SLC9C2: variants seen among roughly 807,000 people sequenced by gnomAD.
SLC9C2 encodes the protein sodium/hydrogen exchanger 11.
Under a neutral mutation model 140.2 loss-of-function variants are expected in SLC9C2, and 75 were observed. The ratio of observed to expected loss-of-function variants is 0.53; its 90% confidence interval spans 0.44 to 0.65. The LOEUF is 0.65. SLC9C2 is among the 30% of genes least tolerant of loss of function. The pLI, the probability that SLC9C2 is intolerant of heterozygous loss-of-function variation, is 0.00. For missense variants in SLC9C2, 1,074 were observed against 1,331.8 expected, an observed-to-expected ratio of 0.81 and a Z score of 3.01; for synonymous variants, 375 against 420.9, an observed-to-expected ratio of 0.89 and a Z score of 1.34.
Position 173,521,318 on chromosome 1 carries a change from T to C in SLC9C2, c.2722A>G (p.Ile908Val), listed in dbSNP as rs780625309. 5.9e-6 allele frequency: 9 copies of C among 1,522,682 alleles called. No homozygotes were observed. Among genetic ancestry groups the C allele is most frequent in the Non-Finnish European group, 7.9e-6 (9 of 1,142,250 alleles). 94.3% of individuals were successfully genotyped at this position (1,522,682 alleles called of 1,614,324 possible). A position where few individuals can be genotyped will look rare whatever the true frequency, so the allele number is the denominator to read the frequency against. The change falls in exon 22 of 28, where the codon ATT (isoleucine) becomes GTT (valine). Residue 908 changes from isoleucine to valine, a missense_variant. Physicochemically the swap from Ile to Val is conservative, Grantham distance 29. Coordinates refer to ENST00000367714, the MANE Select transcript of SLC9C2 (RefSeq NM_178527.4). Reference sequence around the variant, plus strand: ...TCCCTTACAATTGCCATTCCTGAAATAATTAAGTAGATTCCTTGTGGCATT... The same window carrying C: ...TCCCTTACAATTGCCATTCCTGAAACAATTAAGTAGATTCCTTGTGGCATT... ...GEMPQGIYLI[I>V]SGMAILHSLS... is the part of the protein sequence containing the mutation.
At position 173,529,996 on chromosome 1, in the gene SLC9C2, A is replaced by C. The variant is rs1661462189; in HGVS notation, c.2222T>G (p.Leu741Trp). The change falls in exon 18 of 28, where the codon TTG becomes TGG. Residue 741 changes from leucine (L) to tryptophan (W), a missense_variant. By Grantham distance (61) the Leu-to-Trp change is moderately conservative. Coordinates refer to ENST00000367714, the MANE Select transcript of SLC9C2 (RefSeq NM_178527.4). The stretch of plus-strand genomic sequence containing the variant: ...ATAGCCTTTTGTAATACTATACATC[A>C]AGCTGAGGCGCTTTTTGATCTGCAC... The part of the protein sequence containing the change: ...ADVQIKKRLS[L>W]MYSITKGYIK... 1.9e-6 allele frequency: 3 copies of C among 1,613,518 alleles called. No homozygotes were observed. Among genetic ancestry groups the C allele is most frequent in the Non-Finnish European group, 2.5e-6 (3 of 1,179,850 alleles).
chr1:173,522,929 C>T (rs2101953962), intron 21 of SLC9C2, among the ~76,000 whole-genome samples: 1 of 152,324 alleles, frequency 6.6e-6, no homozygotes, highest in Non-Finnish European at 1.5e-5. Flanking sequence ...TCAAATGTCA[C>T]CTTATTAGAG....
rs1292143724 is a variant in SLC9C2, at chr1:173,521,369, C to T, written c.2671G>A (p.Gly891Arg). 2 of 1,539,618 alleles carry T rather than the reference C, an allele frequency of 1.3e-6. No homozygotes were observed. Among genetic ancestry groups the T allele is most frequent in the Non-Finnish European group, 8.7e-7 (1 of 1,151,542 alleles). Residue 891 changes from glycine (G) to arginine (R), a missense_variant, in exon 22 of 28, where the codon GGA (glycine) becomes AGA (arginine). Physicochemically the swap from Gly to Arg is moderately radical, Grantham distance 125 (BLOSUM62 -2). Transcript: ENST00000367714. ...TCACCTCCTTTACAAATGGTATCTCCAGAGTCAAAACAGGCAAGTTTGGCT... is the reference window on the plus strand; with the variant it reads ...TCACCTCCTTTACAAATGGTATCTCTAGAGTCAAAACAGGCAAGTTTGGCT... ...ERAKLACFDSGDTICKGGEMP... is the reference protein window; with the variant it reads ...ERAKLACFDSRDTICKGGEMP...
chr1:173,599,175 G>C (rs1310953612), intron 3 of SLC9C2, among the ~76,000 whole-genome samples: 1 of 151,734 alleles, frequency 6.6e-6, no homozygotes, highest in African/African-American at 2.4e-5. Flanking sequence ...CTGGAGTGCA[G>C]TGGCGAGATC....
At chr1:173,531,716 C>T (rs1053012937) in intron 17 of SLC9C2, among the ~76,000 whole-genome samples, 31 of 152,240 alleles carry the variant, frequency 2.0e-4, no homozygotes, top group African/African-American at 5.5e-4. Context: ...TCTTTTACTG[C>T]GGCGCCGCCA....
At chr1:173,560,404 C>T (rs1558067188) in intron 9 of SLC9C2, among the ~76,000 whole-genome samples, 1 of 152,206 alleles carries the variant, frequency 6.6e-6, no homozygotes, top group Non-Finnish European at 1.5e-5. Context: ...GGGACCTGCC[C>T]TACTCAAAGT....
intron 13 of SLC9C2, among the ~76,000 whole-genome samples, chr1:173,543,585 C>T (rs1662603712): frequency 1.3e-5 from 2 of 152,264 alleles, no homozygotes; most frequent in Non-Finnish European, 2.9e-5. Flanking sequence ...GGAGGCATCA[C>T]ACTACCTGAC....
intron 17 of SLC9C2, among the ~76,000 whole-genome samples, chr1:173,531,226 A>T (rs1661558633): frequency 6.6e-6 from 1 of 152,218 alleles, no homozygotes; most frequent in African/African-American, 2.4e-5. Context: ...GTTCAATTAA[A>T]AACCATGGTA....
intron 9 of SLC9C2, among the ~76,000 whole-genome samples, chr1:173,570,388 G>A (rs1370404278): frequency 6.6e-6 from 1 of 152,084 alleles, no homozygotes; most frequent in Non-Finnish European, 1.5e-5. Flanking sequence ...ACTCTGCCCA[G>A]TGCCCTATTC....
chr1:173,562,171 A>C (rs1664163991), intron 9 of SLC9C2, among the ~76,000 whole-genome samples: 1 of 152,164 alleles, frequency 6.6e-6, no homozygotes, highest in Non-Finnish European at 1.5e-5. Flanking sequence ...CTATTGAAAA[A>C]CATTCAGAGC....
intron 24 of SLC9C2, among the ~76,000 whole-genome samples, chr1:173,507,508 G>GCGCACA (rs1553245482): frequency 1.6e-4 from 20 of 128,188 alleles, no homozygotes; most frequent in Middle Eastern, 0.01. Flanking sequence ...GTTGAATTGT[G>GCGCACA]CACACACACA....
chr1:173,518,493 A>G (rs1438007253), intron 22 of SLC9C2, among the ~76,000 whole-genome samples: 1 of 152,196 alleles, frequency 6.6e-6, no homozygotes, highest in Non-Finnish European at 1.5e-5. Context: ...AAAAATTACC[A>G]TGCAATATCA....
At chr1:173,530,139 C>A (rs1185016867) in intron 17 of SLC9C2, 85 bp from the exon 18 acceptor site, 7 of 1,251,736 alleles carry the variant, frequency 5.6e-6, no homozygotes, top group Non-Finnish European at 7.7e-6. Context: ...AAAGTGTCAT[C>A]TCCAGACCAG....
chr1:173,562,495 C>T (rs1324186379), intron 9 of SLC9C2, among the ~76,000 whole-genome samples: 6 of 152,094 alleles, frequency 3.9e-5, no homozygotes, highest in Non-Finnish European at 5.9e-5. Flanking sequence ...AAAATACACA[C>T]GTCAAGGGTA....
At chr1:173,540,623 T>C (rs1375398971) in intron 13 of SLC9C2, among the ~76,000 whole-genome samples, 1 of 152,190 alleles carries the variant, frequency 6.6e-6, no homozygotes, top group Non-Finnish European at 1.5e-5. Context: ...GGCTGTCACC[T>C]GAGGCAACTC....
intron 9 of SLC9C2, among the ~76,000 whole-genome samples, chr1:173,565,676 C>T (rs1481987252): frequency 2.6e-5 from 4 of 151,880 alleles, no homozygotes; most frequent in Non-Finnish European, 5.9e-5. Flanking sequence ...GCTCAGATTA[C>T]CTTTGGTTAT....
intron 11 of SLC9C2, among the ~76,000 whole-genome samples, chr1:173,550,440 A>ATTTTTTTTT (rs1304209360): frequency 8.1e-6 from 1 of 124,214 alleles, no homozygotes; most frequent in African/African-American, 3.7e-5. Flanking sequence ...TTATTTATTT[A>ATTTTTTTTT]TTTATTTATT....
At position 173,583,564 on chromosome 1, in the gene SLC9C2, G is replaced by A. The variant is rs16828416; in HGVS notation, c.582C>T (p.Ile194=). 19,974 of 1,610,116 alleles carry A rather than the reference G, an allele frequency of 0.012. 2,147 individuals carry two copies. In the African/African-American group the frequency reaches 0.23, roughly 19 times the overall value. Residue 194 remains isoleucine (I), a synonymous_variant, in exon 6 of 28, where the codon ATC becomes ATT. Transcript: ENST00000367714. ...GAAAATTTCCAAAAAAAATTGATGC[G>A]ATGCTACAAATGATCAATGATTCTC... is the stretch of plus-strand genomic sequence containing the variant. ...IRGESLIICS[I]ASIFFGNFRG...
intron 26 of SLC9C2, 87 bp from the exon 27 acceptor site, chr1:173,503,413 G>A (rs1571412310): frequency 8.3e-7 from 1 of 1,198,898 alleles, no homozygotes; most frequent in South Asian, 1.3e-5. Context: ...ATATCTATTT[G>A]CTTTCTCCCT....
Sources: allele counts gnomAD v4.1 joint callset (sites outside exome capture counted in the v4.1 genomes callset), GRCh38; gene constraint gnomAD v4.1.1; transcripts MANE v1.5; gene names NCBI Gene and HGNC (gene_info 2026-07-23, HGNC 2026-07-21).